Variants in PPM1L observed in about 807,000 individuals in gnomAD.
The protein encoded by PPM1L is protein phosphatase 1L.
PPM1L carries 13 observed loss-of-function variants against 31.4 expected under a neutral mutation model. The ratio of observed to expected loss-of-function variants is 0.41; its 90% CI spans 0.27 to 0.66. The LOEUF (loss-of-function observed/expected upper bound fraction) is 0.66, where lower values mean the gene tolerates loss of function less well. Among genes scored for constraint, PPM1L ranks in the 30% least tolerant of loss-of-function variants. The probability of loss-of-function intolerance (pLI) is 0.29; values close to 1 mark genes in which losing one functional copy is unlikely to be tolerated. For missense variants in PPM1L, 326 were observed against 453.7 expected (o/e 0.72, Z 2.56); for synonymous variants, 184 against 175.4 (o/e 1.05, Z -0.39).
chr3:160,962,627 G>A (rs1004468142), intron 2 of PPM1L, among the ~76,000 whole-genome samples: 1 of 151,962 alleles, frequency 6.6e-6, no homozygotes, highest in African/African-American at 2.4e-5. Context: ...CAGGAAAAAA[G>A]GTTTCTAATG....
chr3:160,907,363 AC>A (rs1713798799), intron 1 of PPM1L, among the ~76,000 whole-genome samples: 1 of 152,230 alleles, frequency 6.6e-6, no homozygotes, highest in African/African-American at 2.4e-5. Context: ...CATTGAAGCT[AC>A]CTAGCTTTTT....
intron 2 of PPM1L, among the ~76,000 whole-genome samples, chr3:161,007,388 C>T (rs1028050915): frequency 6.6e-6 from 1 of 152,114 alleles, no homozygotes; most frequent in South Asian, 2.1e-4. Context: ...CATAGAGGGA[C>T]CACCAAGGGC....
At chr3:160,770,975 A>G (rs1179784474) in intron 1 of PPM1L, among the ~76,000 whole-genome samples, 1 of 152,198 alleles carries the variant, frequency 6.6e-6, no homozygotes, top group East Asian at 1.9e-4. Flanking sequence ...CTCTCTTGAA[A>G]GATCCCTCAA....
rs2108118514 is a variant in PPM1L, at chr3:161,074,706, A to T, written c.*5549A>T. 1 of 152,248 alleles carries T rather than the reference A, an allele frequency of 6.6e-6. No individual in the cohort carries two copies. Among genetic ancestry groups the T allele is most frequent in the South Asian group, 2.1e-4 (1 of 4,820 alleles). 9.4% of individuals were successfully genotyped at this position (152,248 alleles called of 1,614,324 possible). A position where few individuals can be genotyped will look rare whatever the true frequency, so the allele number is the denominator to read the frequency against. On this transcript the variant is annotated 3_prime_UTR_variant, in exon 4 of 4. Transcript: ENST00000498165. ...CAGCAAACTGTTGAGGCTAGGGTTG[A>T]TTATTGATAATTTTTATGTGTTTAG... is the stretch of plus-strand genomic sequence containing the variant.
At chr3:161,064,109 C>A (rs1438925529) in intron 2 of PPM1L, among the ~76,000 whole-genome samples, 1 of 150,754 alleles carries the variant, frequency 6.6e-6, no homozygotes, top group African/African-American at 2.4e-5. Flanking sequence ...ATGGGTACAG[C>A]AAACCACCAT....
intron 2 of PPM1L, among the ~76,000 whole-genome samples, chr3:161,050,270 C>A (rs533826277): frequency 6.6e-6 from 1 of 152,112 alleles, no homozygotes; most frequent in Non-Finnish European, 1.5e-5. Context: ...TGAGGAAAAT[C>A]AAACAACTAT....
chr3:160,926,635 G>T (rs1209543695), intron 1 of PPM1L, among the ~76,000 whole-genome samples: 1 of 152,190 alleles, frequency 6.6e-6, no homozygotes, highest in Non-Finnish European at 1.5e-5. Context: ...TAGCTGTGCT[G>T]ACTATGGCTC....
intron 1 of PPM1L, among the ~76,000 whole-genome samples, chr3:160,797,525 G>C (rs528331456): frequency 1.3e-5 from 2 of 152,336 alleles, no homozygotes; most frequent in African/African-American, 4.8e-5. Flanking sequence ...ATTAAGCTTA[G>C]TGAGGAAGGC....
intron 1 of PPM1L, among the ~76,000 whole-genome samples, chr3:160,841,808 T>C (rs1713889395): frequency 6.6e-6 from 1 of 152,232 alleles, no homozygotes; most frequent in Non-Finnish European, 1.5e-5. Flanking sequence ...AAAGATACTT[T>C]TGTCTTATGT....
chr3:160,769,895 C>G (rs1715204971), intron 1 of PPM1L, among the ~76,000 whole-genome samples: 2 of 152,110 alleles, frequency 1.3e-5, no homozygotes, highest in South Asian at 4.1e-4. Flanking sequence ...GGGGGACAAC[C>G]TCGCAATGGT....
At chr3:161,055,506 G>A (rs546076535) in intron 2 of PPM1L, among the ~76,000 whole-genome samples, 63 of 152,146 alleles carry the variant, frequency 4.1e-4, no homozygotes, top group African/African-American at 1.4e-3. Context: ...ATTTCTGTCC[G>A]TTATCAGGCC....
intron 2 of PPM1L, among the ~76,000 whole-genome samples, chr3:161,026,433 C>T (rs111569640): frequency 0.013 from 1,990 of 152,294 alleles, 43 homozygotes; most frequent in African/African-American, 0.045. Context: ...TGGTGGCTCA[C>T]GCCTGTAATC....
At chr3:160,847,605 C>T (rs1385360067) in intron 1 of PPM1L, among the ~76,000 whole-genome samples, 2 of 152,114 alleles carry the variant, frequency 1.3e-5, no homozygotes, top group Non-Finnish European at 2.9e-5. Flanking sequence ...CTTGGAAATA[C>T]CTGCAAAAAC....
chr3:160,944,162 A>G (rs1715250005), intron 1 of PPM1L, among the ~76,000 whole-genome samples: 1 of 151,732 alleles, frequency 6.6e-6, no homozygotes, highest in Non-Finnish European at 1.5e-5. Flanking sequence ...GCAGTTCATT[A>G]TTTTCTAAGG....
chr3:161,047,393 C>G (rs1374168198), intron 2 of PPM1L, among the ~76,000 whole-genome samples: 1 of 152,096 alleles, frequency 6.6e-6, no homozygotes, highest in Non-Finnish European at 1.5e-5. Context: ...TGTGAAGGAC[C>G]TCTTCAAGGA....
intron 1 of PPM1L, among the ~76,000 whole-genome samples, chr3:160,944,352 G>A (rs557171972): frequency 1.5e-4 from 23 of 151,734 alleles, no homozygotes; most frequent in Non-Finnish European, 3.2e-4. Context: ...TTTTTATGAG[G>A]TATTGCCAAT....
intron 2 of PPM1L, among the ~76,000 whole-genome samples, chr3:161,013,138 C>A (rs1161135598): frequency 6.6e-6 from 1 of 152,312 alleles, no homozygotes; most frequent in East Asian, 1.9e-4. Flanking sequence ...TTAGATCTTT[C>A]CTGCTTTCTC....
At chr3:160,851,067 C>G (rs1286224590) in intron 1 of PPM1L, among the ~76,000 whole-genome samples, 1 of 152,070 alleles carries the variant, frequency 6.6e-6, no homozygotes, top group African/African-American at 2.4e-5. Flanking sequence ...ATTTTCTTCC[C>G]TCTGTCACAA....
intron 2 of PPM1L, among the ~76,000 whole-genome samples, chr3:161,048,742 A>C (rs1719165138): frequency 6.6e-6 from 1 of 152,044 alleles, no homozygotes; most frequent in Non-Finnish European, 1.5e-5. Context: ...ATGGAATACT[A>C]TGCTGCCATA....
Sources: allele counts gnomAD v4.1 joint callset (sites outside exome capture counted in the v4.1 genomes callset), GRCh38; gene constraint gnomAD v4.1.1; transcripts MANE v1.5; gene names NCBI Gene and HGNC (gene_info 2026-07-23, HGNC 2026-07-21).